Variants in ERI3 observed in about 807,000 individuals in gnomAD.
ERI3 encodes the protein ERI1 exoribonuclease family member 3.
Under a neutral mutation model 44.4 loss-of-function variants are expected in ERI3, and 18 were observed. That is an observed-to-expected ratio of 0.41 (90% CI 0.28 to 0.60). The LOEUF (loss-of-function observed/expected upper bound fraction) is 0.60. ERI3 is among the 20% of genes least tolerant of loss of function. The pLI, the probability that ERI3 is intolerant of heterozygous loss-of-function variation, is 0.36. For synonymous variants in ERI3, 183 were observed against 164.8 expected (o/e 1.11, Z -0.84); for missense variants, 294 against 435.5 (o/e 0.68, Z 2.89).
At position 44,221,906 on chromosome 1, in the gene ERI3, G is replaced by C. The variant is rs781320872; in HGVS notation, c.932-266C>G. 4.6e-5 allele frequency among the ~76,000 whole-genome samples: 7 copies of C among 152,212 alleles called. No homozygotes were observed. Among genetic ancestry groups the C allele is most frequent in the Non-Finnish European group, 1.0e-4 (7 of 68,034 alleles). On this transcript the variant is annotated intron_variant, in intron 8 of 8. Coordinates refer to ENST00000372257, the MANE Select transcript of ERI3 (RefSeq NM_024066.3). The surrounding 1 kb of genome is among the most constrained non-coding windows in gnomAD (Gnocchi z 5.9). The stretch of plus-strand genomic sequence containing the variant: ...GGCATGTCCCGCCCCAGCCCCAGCG[G>C]TGATGTATGGGCGCCGTCGCAGTAA...
Position 44,221,600 on chromosome 1 carries a change from G to A in ERI3, c.972C>T (p.Ala324=). The A allele has an allele frequency of 6.2e-7, 1 of 1,614,200 alleles. No homozygotes were observed. Among genetic ancestry groups the A allele is most frequent in the Non-Finnish European group, 8.5e-7 (1 of 1,180,018 alleles). The stretch of plus-strand genomic sequence containing the variant: ...TCTGCTTGAAGATGAAGCCTCGATA[G>A]GCGAGTGTCTTCATGATGTTGGCAA... The part of the protein sequence containing the change: ...KNIANIMKTL[A]YRGFIFKQTS... Residue 324 remains alanine, a synonymous_variant, in exon 9 of 9, where the codon GCC becomes GCT. Coordinates refer to ENST00000372257, the MANE Select transcript of ERI3 (RefSeq NM_024066.3). The surrounding 1 kb of genome is among the most constrained non-coding windows in gnomAD (Gnocchi z 5.9).
At chr1:44,314,661 G>C (rs1406981388) in intron 4 of ERI3, among the ~76,000 whole-genome samples, 1 of 152,156 alleles carries the variant, frequency 6.6e-6, no homozygotes, top group Non-Finnish European at 1.5e-5. Context: ...GCTAAGGGCT[G>C]GGGGGCTGGG....
chr1:44,221,215 G>T lies in ERI3; in HGVS notation c.*343C>A. The T allele has an allele frequency of 2.8e-6, 1 of 354,798 alleles. No homozygotes were observed. The highest frequency in any genetic ancestry group is 6.2e-5 in the East Asian group (1 of 16,060). The allele number at this position is 354,798 out of a possible 1,614,324, so 22.0% of individuals were successfully genotyped here. On this transcript the variant is annotated 3_prime_UTR_variant, in exon 9 of 9. Transcript: ENST00000372257. The surrounding 1 kb of genome is among the most constrained non-coding windows in gnomAD (Gnocchi z 5.9). ...CACACCATGCACTATGGATGGGAGG[G>T]GGCACAGGAGGGGCTTGGTGGCCCC...
intron 8 of ERI3, among the ~76,000 whole-genome samples, chr1:44,238,637 G>C (rs867803436): frequency 6.6e-6 from 1 of 152,072 alleles, no homozygotes; most frequent in Non-Finnish European, 1.5e-5. Flanking sequence ...CAAGAGTGAC[G>C]GGGAGGCAGG....
chr1:44,289,690 C>T (rs191715556), intron 6 of ERI3, among the ~76,000 whole-genome samples: 55 of 152,366 alleles, frequency 3.6e-4, no homozygotes, highest in African/African-American at 1.3e-3. Flanking sequence ...CTGGCTGGGC[C>T]GAGACAGCCC....
intron 6 of ERI3, among the ~76,000 whole-genome samples, chr1:44,285,653 C>T (rs1225282768): frequency 1.3e-5 from 2 of 152,150 alleles, no homozygotes; most frequent in Non-Finnish European, 2.9e-5. Context: ...TTCAAACAAA[C>T]ATGCACTGAT....
In ERI3 at chr1:44,310,810, T is replaced by C. The variant is rs566784585; in HGVS notation, c.666+2359A>G. Among the ~76,000 whole-genome samples, 7 of 152,026 alleles carry C rather than the reference T, an allele frequency of 4.6e-5. No homozygotes were observed. The East Asian group carries it at 7.7e-4, about 17-fold the overall frequency. On this transcript the variant is annotated intron_variant, in intron 5 of 8. Transcript: ENST00000372257. ...CCCCGGTGCCAGACTATGCAGACCA[T>C]GTGGTCTCTAAACCCTCTTTACAGT...
intron 4 of ERI3, among the ~76,000 whole-genome samples, chr1:44,314,780 G>C (rs966061163): frequency 6.6e-6 from 1 of 152,192 alleles, no homozygotes; most frequent in African/African-American, 2.4e-5. Flanking sequence ...GGGCTGGGCC[G>C]CATTACAGGA....
At chr1:44,291,524 C>T (rs553341184) in intron 6 of ERI3, among the ~76,000 whole-genome samples, 15 of 152,254 alleles carry the variant, frequency 9.9e-5, no homozygotes, top group African/African-American at 3.6e-4. Flanking sequence ...GCATGTTACC[C>T]TTGGTTGGCC....
At chr1:44,259,873 C>G (rs1020360248) in intron 7 of ERI3, among the ~76,000 whole-genome samples, 2 of 123,476 alleles carry the variant, frequency 1.6e-5, no homozygotes, top group African/African-American at 5.9e-5. Flanking sequence ...GAGGAAAACC[C>G]TCTAGATAGA....
Sources: gnomAD v4.1 joint callset for allele counts (sites outside exome capture counted in the v4.1 genomes callset) on GRCh38, gnomAD v4.1.1 for gene constraint, Gnocchi (gnomAD v3.1) non-coding constraint, MANE v1.5 for transcripts, NCBI Gene and HGNC (gene_info 2026-07-23, HGNC 2026-07-21) for gene names.